Variants in RECK observed in about 807,000 individuals in gnomAD.
RECK encodes the protein reversion-inducing cysteine-rich protein with Kazal motifs.
Under a neutral mutation model 115.1 loss-of-function variants are expected in RECK, and 69 were observed. That is an observed-to-expected ratio of 0.60 (90% confidence interval 0.49 to 0.73). The LOEUF is 0.73. Ranked by LOEUF, RECK falls within the 30% of genes least tolerant of loss-of-function variation. The pLI is 0.00. For synonymous variants in RECK, 414 were observed against 419.7 expected, an observed-to-expected ratio of 0.99 and a Z score of 0.17; for missense variants, 1,047 against 1,203.7, an observed-to-expected ratio of 0.87 and a Z score of 1.93.
At position 36,087,802 on chromosome 9, in the gene RECK, G is replaced by GT. The variant is rs751424174; in HGVS notation, c.748dup (p.Cys250LeufsTer2). 1 of 1,614,008 alleles carries GT rather than the reference G, an allele frequency of 6.2e-7. No individual in the cohort carries two copies. The highest frequency in any genetic ancestry group is 1.1e-5 in the South Asian group (1 of 91,070). On this transcript the variant is annotated frameshift_variant, in exon 9 of 21. Coordinates refer to ENST00000377966, the MANE Select transcript of RECK (RefSeq NM_021111.3). LOFTEE classifies it high-confidence loss of function. ...GAGATTGTTGATGGTCTCATCGAGG[G>GT]TTGTAAGACCCAGCCCTTGCCTCAA...
intron 6 of RECK, among the ~76,000 whole-genome samples, chr9:36,073,233 CACACACAG>C (rs774109562): frequency 0.055 from 6,275 of 113,828 alleles, 123 homozygotes; most frequent in African/African-American, 0.081. Flanking sequence ...CACACACAGA[CACACACAG>C]ACACACACAC....
chr9:36,078,510 T>A (rs1446637518), intron 6 of RECK, among the ~76,000 whole-genome samples: 4 of 152,198 alleles, frequency 2.6e-5, no homozygotes, highest in Non-Finnish European at 5.9e-5. Flanking sequence ...CTTAGCAGTG[T>A]GCCTGGCCTC....
intron 3 of RECK, among the ~76,000 whole-genome samples, chr9:36,059,455 CA>C (rs35689662): frequency 0.59 from 75,551 of 129,078 alleles, 19,616 homozygotes; most frequent in East Asian, 0.79. Context: ...GACTCCGTCT[CA>C]AAAAAAAAAA....
chr9:36,087,360 A>G lies in RECK; in HGVS notation c.638-334A>G, dbSNP rs571986163. Among the ~76,000 whole-genome samples the G allele has an allele frequency of 6.6e-5, 10 of 152,344 alleles. No homozygotes were observed. In the East Asian group the frequency reaches 9.6e-4, roughly 15 times the overall value. Reference sequence around the variant, plus strand: ...TTTGCAGGGACATGGATGAAGCTGGAAACCATCATTCTCAGCAAACTAACA... The same window carrying G: ...TTTGCAGGGACATGGATGAAGCTGGGAACCATCATTCTCAGCAAACTAACA... On this transcript the variant is annotated intron_variant, in intron 8 of 20. Coordinates refer to ENST00000377966, the MANE Select transcript of RECK (RefSeq NM_021111.3).
intron 12 of RECK, among the ~76,000 whole-genome samples, chr9:36,104,054 C>T (rs1176729858): frequency 6.6e-6 from 1 of 151,700 alleles, no homozygotes; most frequent in Admixed American, 6.6e-5. Flanking sequence ...TCTTCCTTGG[C>T]CATGATTTCC....
intron 10 of RECK, among the ~76,000 whole-genome samples, chr9:36,097,199 G>A (rs1272397790): frequency 1.3e-5 from 2 of 151,830 alleles, no homozygotes; most frequent in Admixed American, 6.6e-5. Flanking sequence ...GTGGTGGCAG[G>A]CACCTGTAGT....
chr9:36,055,468 C>T (rs1358205446), intron 2 of RECK, among the ~76,000 whole-genome samples: 1 of 152,158 alleles, frequency 6.6e-6, no homozygotes, highest in Admixed American at 6.5e-5. Context: ...CCCTAAGTGC[C>T]ATGCCCTTTA....
rs1402609243 is a variant in RECK, at chr9:36,123,578, TATC to T, written c.*535_*537del. 6.6e-6 allele frequency: 1 copy of T among 152,350 alleles called. No individual in the cohort carries two copies. The highest frequency in any genetic ancestry group is 1.5e-5 in the Non-Finnish European group (1 of 68,120). 9.4% of individuals were successfully genotyped at this position (152,350 alleles called of 1,614,324 possible). ...TTGAAATTATGTAAATTATGTAAAT[TATC>T]AGGCAAATTTGCATTAAATTACAGA... is the stretch of plus-strand genomic sequence containing the variant. On this transcript the variant is annotated 3_prime_UTR_variant, in exon 21 of 21. Coordinates refer to ENST00000377966, the MANE Select transcript of RECK (RefSeq NM_021111.3).
chr9:36,088,887 G>A (rs1438928876), intron 9 of RECK, among the ~76,000 whole-genome samples: 1 of 152,164 alleles, frequency 6.6e-6, no homozygotes, highest in East Asian at 1.9e-4. Flanking sequence ...GGGGCGTGGT[G>A]GCACATGCCT....
chr9:36,036,963 G>A lies in RECK; in HGVS notation c.-36G>A, dbSNP rs368806096. 9.6e-6 allele frequency: 13 copies of A among 1,361,144 alleles called. No individual in the cohort carries two copies. The highest frequency in any genetic ancestry group is 1.6e-5 in the South Asian group (1 of 63,920). 84.3% of individuals were successfully genotyped at this position (1,361,144 alleles called of 1,614,324 possible). On this transcript the variant is annotated 5_prime_UTR_variant, in exon 1 of 21. Coordinates refer to ENST00000377966, the MANE Select transcript of RECK (RefSeq NM_021111.3). ...CAGCGGCTGCGGCCAAGCTGGGTCC[G>A]AGCATCCCGCGGCTCTGGAGCCGCC...
At chr9:36,090,982 T>C (rs574741300) in intron 9 of RECK, among the ~76,000 whole-genome samples, 182 bp from the exon 10 acceptor site, 1 of 152,352 alleles carries the variant, frequency 6.6e-6, no homozygotes, top group South Asian at 2.1e-4. Context: ...AAGAAGCCTG[T>C]TTTCCATGGA....
Position 36,056,904 on chromosome 9 carries a change from T to G in RECK, c.160-1923T>G, listed in dbSNP as rs978670717. On this transcript the variant is annotated intron_variant, in intron 2 of 20. Transcript: ENST00000377966. ...TATTCTATCTCTTTTCACTTCTTAA[T>G]TGTAGTTGGTAGTTTTGGAGGAAAA... 19 of 842,460 alleles carry G rather than the reference T, an allele frequency of 2.3e-5. No individual in the cohort carries two copies. In the African/African-American group the frequency reaches 3.5e-4, roughly 15 times the overall value. 52.2% of individuals were successfully genotyped at this position (842,460 alleles called of 1,614,324 possible).
intron 12 of RECK, 52 bp from the exon 13 acceptor site, chr9:36,105,090 GT>G: frequency 6.7e-7 from 1 of 1,493,746 alleles, no homozygotes; most frequent in Non-Finnish European, 9.2e-7. Context: ...ATAATTTACA[GT>G]TTTCTCTTAC....
At chr9:36,096,005 T>C (rs1385875211) in intron 10 of RECK, among the ~76,000 whole-genome samples, 1 of 147,174 alleles carries the variant, frequency 6.8e-6, no homozygotes, top group African/African-American at 2.5e-5. Context: ...GAGGCGGAGG[T>C]TGCAGCGAGC....
At chr9:36,119,618 AT>A in intron 18 of RECK, among the ~76,000 whole-genome samples, 1 of 152,286 alleles carries the variant, frequency 6.6e-6, no homozygotes, top group East Asian at 1.9e-4. Flanking sequence ...AATTCATCAA[AT>A]GTTTATTTAG....
chr9:36,103,773 C>T (rs1823653363), intron 12 of RECK, among the ~76,000 whole-genome samples: 1 of 152,158 alleles, frequency 6.6e-6, no homozygotes, highest in South Asian at 2.1e-4. Context: ...GGAATTTAGA[C>T]CTTTGTGTCT....
At chr9:36,110,193 A>G in intron 15 of RECK, 114 bp downstream of exon 15, 4 of 1,146,380 alleles carry the variant, frequency 3.5e-6, no homozygotes, top group Non-Finnish European at 4.8e-6. Flanking sequence ...TAAAATCAAT[A>G]CAGAATCTAA....
intron 13 of RECK, among the ~76,000 whole-genome samples, chr9:36,106,317 C>A (rs753538506): frequency 3.3e-5 from 5 of 151,550 alleles, no homozygotes; most frequent in Non-Finnish European, 7.4e-5. Context: ...TCACTGCAAC[C>A]TCTACCTCCT....
At chr9:36,047,426 T>A (rs1003644652) in intron 1 of RECK, among the ~76,000 whole-genome samples, 1 of 152,110 alleles carries the variant, frequency 6.6e-6, no homozygotes, top group Non-Finnish European at 1.5e-5. Flanking sequence ...CTAGACAATA[T>A]GGCAAAACCC....
Sources: allele counts gnomAD v4.1 joint callset (sites outside exome capture counted in the v4.1 genomes callset), GRCh38; gene constraint gnomAD v4.1.1; transcripts MANE v1.5; gene names NCBI Gene and HGNC (gene_info 2026-07-23, HGNC 2026-07-21).